The following SRCAP variants were observed in gnomAD, a reference collection of about 807,000 sequenced individuals.
SRCAP encodes Snf2 related CREBBP activator protein.
Under a neutral mutation model 263.1 loss-of-function variants are expected in SRCAP, and 46 were observed. That is an observed-to-expected ratio of 0.17 (90% CI 0.14 to 0.22). The LOEUF is 0.22. Among genes scored for constraint, SRCAP ranks in the 10% least tolerant of loss-of-function variants. The pLI is 1.00. For missense variants in SRCAP, 3,695 were observed against 4,181.9 expected, an observed-to-expected ratio of 0.88 and a Z score of 3.21; for synonymous variants, 1,813 against 1,662.1, an observed-to-expected ratio of 1.09 and a Z score of -2.21.
intron 16 of SRCAP, among the ~76,000 whole-genome samples, chr16:30,715,009 T>G (rs534403292): frequency 6.6e-6 from 1 of 152,192 alleles, no homozygotes; most frequent in South Asian, 2.1e-4. Flanking sequence ...TTACTTTTTT[T>G]GTCTTCTCAG....
chr16:30,731,080 G>T (rs1323677735), intron 27 of SRCAP, among the ~76,000 whole-genome samples: 1 of 152,132 alleles, frequency 6.6e-6, no homozygotes, highest in African/African-American at 2.4e-5. Context: ...CATAACTCCA[G>T]GGTATACACC....
chr16:30,719,197 ATTAT>A (rs71374030), intron 18 of SRCAP, among the ~76,000 whole-genome samples: 2 of 143,288 alleles, frequency 1.4e-5, no homozygotes, highest in Non-Finnish European at 3.0e-5. Flanking sequence ...TGCCCCGCCT[ATTAT>A]TTATTTATTT....
intron 4 of SRCAP, among the ~76,000 whole-genome samples, chr16:30,705,429 C>T (rs183523314): frequency 2.1e-3 from 318 of 152,224 alleles, no homozygotes; most frequent in Admixed American, 6.7e-3. Context: ...GACGGAGTCT[C>T]GCTCTGTCGC....
intron 25 of SRCAP, among the ~76,000 whole-genome samples, chr16:30,726,715 T>G (rs963980972): frequency 1.4e-4 from 22 of 152,020 alleles, no homozygotes; most frequent in African/African-American, 4.8e-4. Context: ...TTTATTTTAT[T>G]TTTGAGACAG....
chr16:30,724,146 T>C lies in SRCAP; in HGVS notation c.4722T>C (p.Ala1574=). 6.2e-7 allele frequency: 1 copy of C among 1,614,096 alleles called. No individual in the cohort carries two copies. Among genetic ancestry groups the C allele is most frequent in the Non-Finnish European group, 8.5e-7 (1 of 1,180,022 alleles). The change falls in exon 25 of 34, where the codon GCT becomes GCC. Residue 1574 remains alanine, a synonymous_variant. Transcript: ENST00000262518. The part of the protein sequence containing the change: ...NPAPAQASLL[A]PASSASQALA... ...CTCCAGCTCAGGCTTCCCTTCTGGC[T>C]CCAGCATCTTCTGCATCTCAGGCTC...
chr16:30,723,127 C>T lies in SRCAP; in HGVS notation c.4057C>T (p.Leu1353=). The change falls in exon 24 of 34, where the codon CTA becomes TTA. Residue 1353 remains leucine, a synonymous_variant. Coordinates refer to ENST00000262518, the MANE Select transcript of SRCAP (RefSeq NM_006662.3). ...NPRPTLTPGR[L]PTPTLGTARA... ...ACGCCCCACGTTAACCCCTGGCCGGCTACCCACACCTACTCTGGGTACTGC... is the reference window on the plus strand; with the variant it reads ...ACGCCCCACGTTAACCCCTGGCCGGTTACCCACACCTACTCTGGGTACTGC... The T allele has an allele frequency of 6.2e-7, 1 of 1,614,134 alleles. No homozygotes were observed. Among genetic ancestry groups the T allele is most frequent in the South Asian group, 1.1e-5 (1 of 91,086 alleles).
Position 30,738,601 on chromosome 16 carries a change from C to T in SRCAP, c.8561C>T (p.Pro2854Leu). ...GGAGCACTGCTCGCCATCACCCCAC[C>T]TGCTGTGAAACGTCGGAGGGGGAGG... ...GDGALLAITP[P>L]AVKRRRGRPP... is the part of the protein sequence containing the mutation. Residue 2854 changes from proline to leucine, a missense_variant, in exon 34 of 34, where the codon CCT becomes CTT. This residue lies in a region of SRCAP where 1,207 missense variants were observed against 1,142.9 expected (regional missense o/e 1.06). Transcript: ENST00000262518. 4.4e-6 allele frequency: 7 copies of T among 1,604,154 alleles called. No individual in the cohort carries two copies. The highest frequency in any genetic ancestry group is 1.3e-5 in the African/African-American group (1 of 74,648).
intron 3 of SRCAP, among the ~76,000 whole-genome samples, chr16:30,703,347 C>G (rs1036121813): frequency 3.3e-5 from 5 of 150,906 alleles, no homozygotes; most frequent in Middle Eastern, 6.4e-3. Flanking sequence ...GCTCCCGCCA[C>G]CACGCCCAGC....
chr16:30,706,401 G>C (rs986794124), intron 4 of SRCAP, among the ~76,000 whole-genome samples: 5 of 152,120 alleles, frequency 3.3e-5, no homozygotes, highest in African/African-American at 9.7e-5. Context: ...CCTGAGCCTA[G>C]GCAGCAGAGT....
chr16:30,728,694 TAGC>T (rs2151296216), intron 25 of SRCAP, among the ~76,000 whole-genome samples: 1 of 152,346 alleles, frequency 6.6e-6, no homozygotes, highest in South Asian at 2.1e-4. Context: ...TCTGCTTTGG[TAGC>T]ATACAAGGAA....
rs760418842 is a variant in SRCAP, at chr16:30,729,585, G to GC, written c.6127+15dup. The GC allele has an allele frequency of 1.7e-5, 28 of 1,614,088 alleles. No individual in the cohort carries two copies. The East Asian group carries it at 6.2e-4, about 36-fold the overall frequency. On this transcript the variant is annotated intron_variant, in intron 27 of 33. Transcript: ENST00000262518. ...CAGTATGATTGCGGTGAGTTTGTTG[G>GC]CCAGTGTAGGACCCTTGACTTCTCT...
rs1037838491 is a variant in SRCAP at position 30,739,243 on chromosome 16, G to A, written c.9203G>A (p.Arg3068His). The change falls in exon 34 of 34, where the codon CGC (arginine) becomes CAC (histidine). Residue 3068 changes from arginine to histidine, a missense_variant. Arg to His is a conservative substitution (Grantham distance 29). This residue lies in a region of SRCAP where 1,207 missense variants were observed against 1,142.9 expected (regional missense o/e 1.06). Transcript: ENST00000262518. ...DGSRPLTRLARLRLEAEGMRG... is the reference protein window; with the variant it reads ...DGSRPLTRLAHLRLEAEGMRG... The stretch of plus-strand genomic sequence containing the variant: ...AGCCGCCCCCTCACCCGCCTGGCCC[G>A]CCTTCGGCTTGAAGCAGAAGGAATG... The A allele has an allele frequency of 1.7e-5, 27 of 1,613,466 alleles. No homozygotes were observed. The highest frequency in any genetic ancestry group is 4.0e-5 in the African/African-American group (3 of 74,934).
chr16:30,713,899 T>TG (rs1596648905), intron 16 of SRCAP, among the ~76,000 whole-genome samples, 188 bp downstream of exon 16: 1 of 94,190 alleles, frequency 1.1e-5, no homozygotes, highest in Non-Finnish European at 2.9e-5. Flanking sequence ...TCATCAATTC[T>TG]GTTTTTTTTT....
chr16:30,733,270 A>G lies in SRCAP; in HGVS notation c.6128-10A>G. The G allele has an allele frequency of 1.2e-6, 2 of 1,612,972 alleles. No individual in the cohort carries two copies. The highest frequency in any genetic ancestry group is 8.5e-7 in the Non-Finnish European group (1 of 1,179,926). ...TAGCTAGCTCCCTGTATCCCTTCAT[A>G]TCTCTTTAGGAAAGTTGCAGACGTT... On this transcript the variant is annotated splice_polypyrimidine_tract_variant and intron_variant, in intron 27 of 33. Coordinates refer to ENST00000262518, the MANE Select transcript of SRCAP (RefSeq NM_006662.3). The surrounding 1 kb of genome is among the most constrained non-coding windows in gnomAD (Gnocchi z 5.3).
rs1312278686 is a variant in SRCAP at position 30,713,806 on chromosome 16, A to C, written c.2493+95A>C. ...CCCAGGAAACCCTTGGGGAGAGGGA[A>C]GTCAGTGCCAGGCTAAACTCCTTTG... On this transcript the variant is annotated intron_variant, in intron 16 of 33. Transcript: ENST00000262518. 6 of 1,167,062 alleles carry C rather than the reference A, an allele frequency of 5.1e-6. No homozygotes were observed. In the East Asian group the frequency reaches 1.2e-4, roughly 23 times the overall value. The allele number at this position is 1,167,062 out of a possible 1,614,324, so 72.3% of individuals were successfully genotyped here.
Position 30,713,651 on chromosome 16 carries a change from A to T in SRCAP, c.2433A>T (p.Leu811=), listed in dbSNP as rs1206344293. Residue 811 remains leucine (L), a synonymous_variant, in exon 16 of 34, where the codon CTA becomes CTT. Transcript: ENST00000262518. ...REFKEWFSNP[L]TGMIEGSQEY... ...TCAAGGAGTGGTTCTCTAATCCCCT[A>T]ACTGGCATGATTGAGGGCAGCCAAG... 1 of 1,614,138 alleles carries T rather than the reference A, an allele frequency of 6.2e-7. No individual in the cohort carries two copies. Among genetic ancestry groups the T allele is most frequent in the Non-Finnish European group, 8.5e-7 (1 of 1,180,032 alleles).
chr16:30,733,326 G>A lies in SRCAP; in HGVS notation c.6174G>A (p.Glu2058=). ...TGCTGTTGCGGCAGCTCAAGGCAGAGGGCCACCGAGTGCTCATCTTCACCC... is the reference window on the plus strand; with the variant it reads ...TGCTGTTGCGGCAGCTCAAGGCAGAAGGCCACCGAGTGCTCATCTTCACCC... ...LAVLLRQLKA[E]GHRVLIFTQM... Residue 2058 remains glutamate, a synonymous_variant, in exon 28 of 34, where the codon GAG becomes GAA. Coordinates refer to ENST00000262518, the MANE Select transcript of SRCAP (RefSeq NM_006662.3). This position sits in a 1 kb window ranked among gnomAD's most constrained non-coding sequence, Gnocchi z 5.3. The A allele has an allele frequency of 6.2e-7, 1 of 1,614,126 alleles. No homozygotes were observed. Among genetic ancestry groups the A allele is most frequent in the Non-Finnish European group, 8.5e-7 (1 of 1,180,022 alleles).
At chr16:30,720,450 G>C in intron 19 of SRCAP, 119 bp downstream of exon 19, 1 of 1,242,150 alleles carries the variant, frequency 8.1e-7, no homozygotes, top group Non-Finnish European at 1.1e-6. Context: ...ATATGGGATG[G>C]GTGCAAACGT....
chr16:30,709,564 C>T lies in SRCAP; in HGVS notation c.685C>T (p.Leu229=), dbSNP rs2052865987. 1 of 1,614,136 alleles carries T rather than the reference C, an allele frequency of 6.2e-7. No homozygotes were observed. The highest frequency in any genetic ancestry group is 8.5e-7 in the Non-Finnish European group (1 of 1,180,022). Residue 229 remains leucine (L), a synonymous_variant, in exon 7 of 34, where the codon CTG becomes TTG. Transcript: ENST00000262518. ...SRLEEKRKKA[L]DLHLDFIVGQ... Reference sequence around the variant, plus strand: ...GCTTGAGGAAAAGCGCAAAAAAGCCCTGGACCTGCATTTGGACTTCATTGT... The same window carrying T: ...GCTTGAGGAAAAGCGCAAAAAAGCCTTGGACCTGCATTTGGACTTCATTGT...
Sources: gnomAD v4.1 joint callset for allele counts (sites outside exome capture counted in the v4.1 genomes callset) on GRCh38, gnomAD v4.1.1 for gene constraint, gnomAD v4.1.1 regional missense constraint, Gnocchi (gnomAD v3.1) non-coding constraint, MANE v1.5 for transcripts, NCBI Gene and HGNC (gene_info 2026-07-23, HGNC 2026-07-21) for gene names.